FAM135B: variants seen among roughly 807,000 people sequenced by gnomAD.
FAM135B encodes the protein family with sequence similarity 135 member B.
In FAM135B, 43 loss-of-function variants were observed where a neutral mutation model predicts 127.7. That is an observed-to-expected ratio of 0.34 (90% CI 0.26 to 0.43). The LOEUF is 0.43. Ranked by LOEUF, FAM135B falls within the 20% of genes least tolerant of loss-of-function variation. The probability of loss-of-function intolerance (pLI) is 1.00; values close to 1 mark genes in which losing one functional copy is unlikely to be tolerated. For synonymous variants in FAM135B, 670 were observed against 665.1 expected (o/e 1.01, Z -0.11); for missense variants, 1,558 against 1,725.6 (o/e 0.90, Z 1.72).
At chr8:138,373,545 A>G (rs990906070) in intron 1 of FAM135B, among the ~76,000 whole-genome samples, 1 of 151,978 alleles carries the variant, frequency 6.6e-6, no homozygotes, top group Non-Finnish European at 1.5e-5. Context: ...CCTTGAAAAA[A>G]GAACAGAATA....
At chr8:138,186,221 T>C (rs200911561) in intron 9 of FAM135B, among the ~76,000 whole-genome samples, 1 of 152,204 alleles carries the variant, frequency 6.6e-6, no homozygotes, top group Non-Finnish European at 1.5e-5. Flanking sequence ...GTCCACCTTA[T>C]CTGTGAACAA....
intron 3 of FAM135B, among the ~76,000 whole-genome samples, chr8:138,287,838 C>T (rs1331587510): frequency 6.6e-6 from 1 of 152,176 alleles, no homozygotes; most frequent in East Asian, 1.9e-4. Flanking sequence ...AGTACAAAAA[C>T]CAAAATCTAC....
chr8:138,471,354 T>C (rs1278995876), intron 1 of FAM135B, among the ~76,000 whole-genome samples: 4 of 152,116 alleles, frequency 2.6e-5, no homozygotes, highest in African/African-American at 7.2e-5. Context: ...GTGGCTGGCA[T>C]ACATGAGGAA....
chr8:138,133,450 G>A (rs771710133), intron 19 of FAM135B, among the ~76,000 whole-genome samples: 2 of 152,152 alleles, frequency 1.3e-5, no homozygotes, highest in African/African-American at 4.8e-5. Context: ...CTGGATCTAC[G>A]ATTCATATCT....
intron 1 of FAM135B, among the ~76,000 whole-genome samples, chr8:138,380,061 C>A (rs984924448): frequency 6.6e-6 from 1 of 152,126 alleles, no homozygotes; most frequent in Non-Finnish European, 1.5e-5. Context: ...GGCAGTGCAC[C>A]GCACCCAATT....
intron 1 of FAM135B, among the ~76,000 whole-genome samples, chr8:138,427,753 T>C (rs1369042439): frequency 1.3e-5 from 2 of 152,200 alleles, no homozygotes; most frequent in Non-Finnish European, 2.9e-5. Context: ...ATATATTGTA[T>C]ATTGCTGTTG....
intron 2 of FAM135B, among the ~76,000 whole-genome samples, chr8:138,346,535 G>A (rs1286938173): frequency 1.3e-5 from 2 of 152,220 alleles, no homozygotes; most frequent in Admixed American, 6.5e-5. Context: ...GATGGAGCTG[G>A]AAGCTGTTAT....
intron 3 of FAM135B, among the ~76,000 whole-genome samples, chr8:138,288,045 A>C (rs61590937): frequency 0.024 from 3,718 of 152,312 alleles, 103 homozygotes; most frequent in East Asian, 0.07. Flanking sequence ...CATAATTATC[A>C]CTTATGTAGC....
intron 1 of FAM135B, among the ~76,000 whole-genome samples, chr8:138,413,513 C>A (rs533858341): frequency 1.2e-4 from 19 of 152,334 alleles, no homozygotes; most frequent in African/African-American, 4.3e-4. Flanking sequence ...CTGCCTTATT[C>A]ATTTTTCATA....
At chr8:138,207,901 G>T (rs907685499) in intron 7 of FAM135B, among the ~76,000 whole-genome samples, 1 of 152,184 alleles carries the variant, frequency 6.6e-6, no homozygotes, top group African/African-American at 2.4e-5. Flanking sequence ...GCCATACCAG[G>T]GTGGGTAAGT....
At chr8:138,426,081 A>AT (rs1554690943) in intron 1 of FAM135B, among the ~76,000 whole-genome samples, 1 of 133,182 alleles carries the variant, frequency 7.5e-6, no homozygotes, top group Non-Finnish European at 1.6e-5. Context: ...ACATATATAA[A>AT]ATGTTTTATG....
chr8:138,333,754 C>T (rs974030084), intron 2 of FAM135B, among the ~76,000 whole-genome samples: 5 of 152,290 alleles, frequency 3.3e-5, no homozygotes, highest in African/African-American at 1.2e-4. Context: ...TTAATATCTG[C>T]TTAACCCAAG....
chr8:138,411,803 G>T (rs2131408500), intron 1 of FAM135B, among the ~76,000 whole-genome samples: 1 of 152,194 alleles, frequency 6.6e-6, no homozygotes, highest in South Asian at 2.1e-4. Flanking sequence ...TAATAACAAA[G>T]ACATAGAGTC....
intron 6 of FAM135B, among the ~76,000 whole-genome samples, chr8:138,247,205 A>T (rs1168961718): frequency 6.6e-6 from 1 of 152,202 alleles, no homozygotes; most frequent in African/African-American, 2.4e-5. Context: ...GGACTGTTAG[A>T]AAGGCATGAT....
chr8:138,464,457 C>A (rs971737894), intron 1 of FAM135B, among the ~76,000 whole-genome samples: 1 of 152,140 alleles, frequency 6.6e-6, no homozygotes, highest in African/African-American at 2.4e-5. Context: ...CCCCTTAGAA[C>A]AGAGGTTTAA....
chr8:138,348,597 T>C (rs1829573017), intron 2 of FAM135B, among the ~76,000 whole-genome samples: 1 of 152,330 alleles, frequency 6.6e-6, no homozygotes, highest in South Asian at 2.1e-4. Flanking sequence ...TAACACATCT[T>C]CTTCTGGTAA....
intron 3 of FAM135B, among the ~76,000 whole-genome samples, chr8:138,300,344 C>T (rs1181561083): frequency 6.6e-6 from 1 of 151,960 alleles, no homozygotes; most frequent in East Asian, 1.9e-4. Context: ...TTCAGCAGAG[C>T]CTGGAGACTG....
intron 1 of FAM135B, among the ~76,000 whole-genome samples, chr8:138,487,919 G>A (rs1189020436): frequency 2.0e-5 from 3 of 152,036 alleles, no homozygotes; most frequent in Admixed American, 6.6e-5. Context: ...CAGGAGAATC[G>A]CTTGAACCCG....
At position 138,197,496 on chromosome 8, in the gene FAM135B, C is replaced by T. The variant is rs776558222; in HGVS notation, c.823+20G>A. 2 of 1,610,402 alleles carry T rather than the reference C, an allele frequency of 1.2e-6. No individual in the cohort carries two copies. Among genetic ancestry groups the T allele is most frequent in the South Asian group, 1.1e-5 (1 of 90,866 alleles). On this transcript the variant is annotated intron_variant, in intron 8 of 19. Transcript: ENST00000395297. ...CACATGAGCTGCTGGGATGGGCTTG[C>T]CCCTGTCCTGGGCCCTTACCCAGCT...
Sources: allele counts gnomAD v4.1 joint callset (sites outside exome capture counted in the v4.1 genomes callset), GRCh38; gene constraint gnomAD v4.1.1; transcripts MANE v1.5; gene names NCBI Gene and HGNC (gene_info 2026-07-23, HGNC 2026-07-21).